Variants in PKD1L1 observed in about 807,000 individuals in gnomAD.
PKD1L1 encodes polycystin-1-like protein 1.
In PKD1L1, 236 loss-of-function variants were observed where a neutral mutation model predicts 323.4. That is an observed-to-expected ratio of 0.73 (90% CI 0.66 to 0.81). The LOEUF (loss-of-function observed/expected upper bound fraction) is 0.81, where lower values mean the gene tolerates loss of function less well. Among genes scored for constraint, PKD1L1 ranks in the 40% least tolerant of loss-of-function variants. The pLI is 0.00. For synonymous variants in PKD1L1, 1,344 were observed against 1,335.0 expected, an observed-to-expected ratio of 1.01 and a Z score of -0.15; for missense variants, 3,320 against 3,508.0, an observed-to-expected ratio of 0.95 and a Z score of 1.35.
In PKD1L1 at chr7:47,830,075, C is replaced by T. The variant is rs546449857; in HGVS notation, c.6523G>A (p.Val2175Met). ...VQWLHLLSLS[V>M]VCCIFITQPL... ...TGGGTGATGAAAATACAGCAGACCA[C>T]GGAGAGGGACAGCAGGTGCAGCCAC... Residue 2175 changes from valine to methionine, a missense_variant, in exon 43 of 57, where the codon GTG becomes ATG. By Grantham distance (21) the Val-to-Met change is conservative (BLOSUM62 1). Coordinates refer to ENST00000289672, the MANE Select transcript of PKD1L1 (RefSeq NM_138295.5). 24 of 1,614,152 alleles carry T rather than the reference C, an allele frequency of 1.5e-5. No individual in the cohort carries two copies. In the East Asian group the frequency reaches 3.3e-4, roughly 22 times the overall value.
chr7:47,859,676 G>C (rs1283778383), intron 26 of PKD1L1, among the ~76,000 whole-genome samples: 1 of 149,468 alleles, frequency 6.7e-6, no homozygotes, highest in African/African-American at 2.5e-5. Context: ...GCCCAGGCTG[G>C]AGTGCAGTGG....
intron 24 of PKD1L1, among the ~76,000 whole-genome samples, chr7:47,872,234 C>T (rs1786297395): frequency 6.6e-6 from 1 of 152,106 alleles, no homozygotes; most frequent in Non-Finnish European, 1.5e-5. Flanking sequence ...AGAGGCTGGC[C>T]GGCACCAAAG....
chr7:47,832,939 G>A, intron 41 of PKD1L1, 151 bp downstream of exon 41: 1 of 1,056,232 alleles, frequency 9.5e-7, no homozygotes, highest in South Asian at 1.8e-5. Context: ...GGACGCCTCA[G>A]TTTTGGGTGG....
At chr7:47,870,656 G>A (rs557010756) in intron 24 of PKD1L1, among the ~76,000 whole-genome samples, 2 of 152,302 alleles carry the variant, frequency 1.3e-5, no homozygotes, top group South Asian at 2.1e-4. Flanking sequence ...GCTGGTAAAT[G>A]TTTATAGAAG....
At chr7:47,927,086 C>T (rs1429237487) in intron 7 of PKD1L1, among the ~76,000 whole-genome samples, 1 of 151,664 alleles carries the variant, frequency 6.6e-6, no homozygotes, top group Non-Finnish European at 1.5e-5. Context: ...TAGGAGAAAC[C>T]ATGAGAGAAT....
At chr7:47,957,873 A>ATATATATATATATATATATATATC in the PKD1L1 span, among the ~76,000 whole-genome samples, 1 of 148,254 alleles carries the variant, frequency 6.7e-6, no homozygotes, top group South Asian at 2.1e-4. Context: ...ATATATATAT[A>ATATATATATATATATATATATATC]TATATCTAGA....
chr7:47,788,907 T>A (rs1786876772), intron 56 of PKD1L1, among the ~76,000 whole-genome samples: 1 of 152,138 alleles, frequency 6.6e-6, no homozygotes, highest in Admixed American at 6.6e-5. Flanking sequence ...TATTAATAAA[T>A]TTTTAATATT....
At chr7:47,819,706 G>C in intron 46 of PKD1L1, 1 of 570,364 alleles carries the variant, frequency 1.8e-6, no homozygotes, top group Non-Finnish European at 2.8e-6. Context: ...ATAGCACTGG[G>C]ACTTCCAGGT....
At chr7:47,955,389 T>G in the PKD1L1 span, among the ~76,000 whole-genome samples, 1 of 152,168 alleles carries the variant, frequency 6.6e-6, no homozygotes, top group Non-Finnish European at 1.5e-5. Flanking sequence ...ATTTACTTTA[T>G]TACAAAGATA....
chr7:47,796,784 GAA>G (rs1409477756), intron 54 of PKD1L1, among the ~76,000 whole-genome samples: 1 of 146,934 alleles, frequency 6.8e-6, no homozygotes, highest in East Asian at 2.0e-4. Context: ...TCAGGAGATT[GAA>G]ACCATCCTGG....
At chr7:47,870,460 T>A (rs1786258701) in intron 24 of PKD1L1, among the ~76,000 whole-genome samples, 1 of 151,772 alleles carries the variant, frequency 6.6e-6, no homozygotes, top group African/African-American at 2.4e-5. Context: ...ATAAAAAGGA[T>A]TATAGGAGAA....
At position 47,829,539 on chromosome 7, in the gene PKD1L1, C is replaced by T. The variant is rs1785301566; in HGVS notation, c.6621G>A (p.Glu2207=). The T allele has an allele frequency of 6.2e-7, 1 of 1,613,912 alleles. No homozygotes were observed. Among genetic ancestry groups the T allele is most frequent in the South Asian group, 1.1e-5 (1 of 91,012 alleles). ...GATCCCTGGTAGCCTCACATAAAGACTCAGTAAAAAAGTGGTTGTCAGCTC... is the reference window on the plus strand; with the variant it reads ...GATCCCTGGTAGCCTCACATAAAGATTCAGTAAAAAAGTGGTTGTCAGCTC... ...KRRADNHFFT[E]SLCEATRDLD... is the part of the protein sequence containing the mutation. The change falls in exon 44 of 57, where the codon GAG becomes GAA. Residue 2207 remains glutamate, a synonymous_variant. Coordinates refer to ENST00000289672, the MANE Select transcript of PKD1L1 (RefSeq NM_138295.5).
Position 47,944,186 on chromosome 7 carries a change from C to T in PKD1L1, c.45-675G>A, listed in dbSNP as rs566705463. 1.1e-4 allele frequency among the ~76,000 whole-genome samples: 16 copies of T among 152,246 alleles called. No homozygotes were observed. The East Asian group carries it at 2.1e-3, about 20-fold the overall frequency. On this transcript the variant is annotated intron_variant, in intron 1 of 56. Transcript: ENST00000289672. ...GGCCTGGTGGGAGGTGTTTGGATCA[C>T]GGGGGCAGATCTCTCATGGCTTGGT...
At chr7:47,797,141 T>A (rs201371200) in intron 54 of PKD1L1, among the ~76,000 whole-genome samples, 2 of 152,222 alleles carry the variant, frequency 1.3e-5, no homozygotes, top group East Asian at 3.9e-4. Context: ...CTTCAGGAGC[T>A]TTCTGACCCA....
At position 47,839,065 on chromosome 7, in the gene PKD1L1, A is replaced by C. The variant is rs187121809; in HGVS notation, c.5769+381T>G. Among the ~76,000 whole-genome samples, 230 of 152,214 alleles carry C rather than the reference A, an allele frequency of 1.5e-3. No homozygotes were observed. Among genetic ancestry groups the C allele is most frequent in the Admixed American group, 2.8e-3 (43 of 15,270 alleles). The stretch of plus-strand genomic sequence containing the variant: ...ATCTCCTGCCATCCTGGACCTGACC[A>C]CATCTATACCACATCTGTAATTACT... On this transcript the variant is annotated intron_variant, in intron 36 of 56. Coordinates refer to ENST00000289672, the MANE Select transcript of PKD1L1 (RefSeq NM_138295.5). The surrounding 1 kb of genome is among the most constrained non-coding windows in gnomAD (Gnocchi z 4.3).
At position 47,884,682 on chromosome 7, in the gene PKD1L1, T is replaced by C. The variant is rs113152538; in HGVS notation, c.3206-25A>G. The C allele has an allele frequency of 1.9e-4, 299 of 1,592,402 alleles. 2 individuals are homozygous for C. In the African/African-American group the frequency reaches 3.4e-3, roughly 18 times the overall value. On this transcript the variant is annotated intron_variant, in intron 18 of 56. Coordinates refer to ENST00000289672, the MANE Select transcript of PKD1L1 (RefSeq NM_138295.5). ...TCTATAAGAAAGGACAAAATCATAA[T>C]GTTTCCTTTAAAATCACAGAATCCC...
At chr7:47,830,329 C>T (rs1435892138) in intron 42 of PKD1L1, among the ~76,000 whole-genome samples, 1 of 152,330 alleles carries the variant, frequency 6.6e-6, no homozygotes, top group African/African-American at 2.4e-5. Context: ...GGACATCGAC[C>T]TCCCTGAAGC....
At chr7:47,917,003 T>A (rs1042121731) in intron 7 of PKD1L1, among the ~76,000 whole-genome samples, 2 of 151,934 alleles carry the variant, frequency 1.3e-5, no homozygotes, top group African/African-American at 4.8e-5. Context: ...TTAAAAAGAA[T>A]AGGAGGTTAG....
intron 4 of PKD1L1, among the ~76,000 whole-genome samples, chr7:47,936,638 G>A (rs1298031413): frequency 2.6e-5 from 4 of 152,124 alleles, no homozygotes; most frequent in Admixed American, 1.3e-4. Flanking sequence ...CCCAGCATTC[G>A]GGGGTTTGTC....
Sources: gnomAD v4.1 joint callset for allele counts (sites outside exome capture counted in the v4.1 genomes callset) on GRCh38, gnomAD v4.1.1 for gene constraint, Gnocchi (gnomAD v3.1) non-coding constraint, MANE v1.5 for transcripts, NCBI Gene and HGNC (gene_info 2026-07-23, HGNC 2026-07-21) for gene names.